RIMBP2: variants seen among roughly 807,000 people sequenced by gnomAD.
The protein encoded by RIMBP2 is RIMS binding protein 2, also known as RIMS-binding protein 2.
RIMBP2 carries 48 observed loss-of-function variants against 118.6 expected under a neutral mutation model. That is an observed-to-expected ratio of 0.40 (90% CI 0.32 to 0.51). The LOEUF is 0.51. Among genes scored for constraint, RIMBP2 ranks in the 20% least tolerant of loss-of-function variants. The pLI, the probability that RIMBP2 is intolerant of heterozygous loss-of-function variation, is 0.41. For synonymous variants in RIMBP2, 762 were observed against 742.9 expected (o/e 1.03, Z -0.42); for missense variants, 1,551 against 1,768.3 (o/e 0.88, Z 2.20).
chr12:130,406,549 A>G (rs936391603), intron 20 of RIMBP2, among the ~76,000 whole-genome samples: 4 of 152,232 alleles, frequency 2.6e-5, no homozygotes, highest in Admixed American at 6.5e-5. Flanking sequence ...GTTAATTGTA[A>G]AAACCTGGAA....
chr12:130,628,911 A>G (rs2061811866), intron 1 of RIMBP2, among the ~76,000 whole-genome samples: 2 of 152,216 alleles, frequency 1.3e-5, no homozygotes, highest in African/African-American at 4.8e-5. Context: ...GATGACAGAA[A>G]GAGTTATTAT....
intron 1 of RIMBP2, among the ~76,000 whole-genome samples, chr12:130,702,761 T>C (rs1231611284): frequency 1.3e-5 from 2 of 152,156 alleles, no homozygotes; most frequent in South Asian, 2.1e-4. Flanking sequence ...TGGAATCAGA[T>C]GATCCTGATC....
intron 6 of RIMBP2, among the ~76,000 whole-genome samples, chr12:130,466,840 C>T (rs2080524929): frequency 6.6e-6 from 1 of 152,222 alleles, no homozygotes; most frequent in Non-Finnish European, 1.5e-5. Context: ...CTGATTGTTT[C>T]TTCTGCCCTA....
At chr12:130,538,012 CCAAAAACTGA>C in intron 2 of RIMBP2, among the ~76,000 whole-genome samples, 1 of 152,168 alleles carries the variant, frequency 6.6e-6, no homozygotes, top group East Asian at 1.9e-4. Flanking sequence ...TCACTAGACT[CCAAAAACTGA>C]CAAAAGCAAA....
chr12:130,596,365 C>A (rs1187792832), intron 2 of RIMBP2, among the ~76,000 whole-genome samples: 2 of 152,098 alleles, frequency 1.3e-5, no homozygotes, highest in African/African-American at 4.8e-5. Flanking sequence ...CAGAAAGGGG[C>A]ACTATGACCC....
At chr12:130,436,470 C>G (rs1373822070) in intron 13 of RIMBP2, among the ~76,000 whole-genome samples, 1 of 152,130 alleles carries the variant, frequency 6.6e-6, no homozygotes, top group Admixed American at 6.5e-5. Flanking sequence ...ACCTAGGACT[C>G]TGCAGCCAGC....
chr12:130,690,208 G>T (rs192306680), intron 1 of RIMBP2, among the ~76,000 whole-genome samples: 228 of 152,320 alleles, frequency 1.5e-3, no homozygotes, highest in African/African-American at 5.2e-3. Flanking sequence ...ATTAGGCTGG[G>T]TTCTCCCAGG....
intron 6 of RIMBP2, among the ~76,000 whole-genome samples, chr12:130,461,983 C>G (rs1455384136): frequency 6.6e-6 from 1 of 152,172 alleles, no homozygotes; most frequent in South Asian, 2.1e-4. Flanking sequence ...CATTTTAAAC[C>G]CTGCTGAGTA....
rs2074080920 is a variant in RIMBP2, at chr12:130,396,421, A to ACAT, written c.*937_*939dup. The ACAT allele has an allele frequency of 6.6e-6, 1 of 152,668 alleles. No homozygotes were observed. 9.5% of individuals were successfully genotyped at this position (152,668 alleles called of 1,614,324 possible). A position where few individuals can be genotyped will look rare whatever the true frequency, so the allele number is the denominator to read the frequency against. ...AATTACAAAAGAGTAACCATCAAAT[A>ACAT]CATCTGCCAGCAACTTTGTAAGTAA... On this transcript the variant is annotated 3_prime_UTR_variant, in exon 23 of 23. Coordinates refer to ENST00000690449, the MANE Select transcript of RIMBP2 (RefSeq NM_001393629.1).
chr12:130,664,383 G>A (rs12832652), intron 1 of RIMBP2, among the ~76,000 whole-genome samples: 62,597 of 123,822 alleles, frequency 0.51, 18,428 homozygotes, highest in Non-Finnish European at 0.6. Flanking sequence ...ATGCACGCAC[G>A]CGCATGCACA....
In RIMBP2 at chr12:130,622,279, G is replaced by T. The variant is rs7954642; in HGVS notation, c.-217+6043C>A. Among the ~76,000 whole-genome samples, 20,355 of 152,066 alleles carry T rather than the reference G, an allele frequency of 0.13. 1,532 individuals carry two copies. Among genetic ancestry groups the T allele is most frequent in the Middle Eastern group, 0.24 (71 of 294 alleles). On this transcript the variant is annotated intron_variant, in intron 2 of 22. Transcript: ENST00000690449. This position sits in a 1 kb window ranked among gnomAD's most constrained non-coding sequence, Gnocchi z 8.5. ...TGCATAGGAGGTTCCGGGGAACAGA[G>T]TCCCCAAACATCACAAGTTTTGCCA...
chr12:130,551,159 A>G (rs1282487086), intron 2 of RIMBP2, among the ~76,000 whole-genome samples: 2 of 152,202 alleles, frequency 1.3e-5, no homozygotes, highest in African/African-American at 4.8e-5. Flanking sequence ...GTGAAGCAGG[A>G]ATTACAAAAA....
intron 17 of RIMBP2, among the ~76,000 whole-genome samples, chr12:130,421,691 A>ATGTGTGTATG (rs1555241925): frequency 3.9e-4 from 58 of 147,296 alleles, no homozygotes; most frequent in African/African-American, 1.4e-3. Context: ...CTGCATTTAT[A>ATGTGTGTATG]TGTGTGTGTG....
intron 1 of RIMBP2, among the ~76,000 whole-genome samples, chr12:130,684,137 C>A (rs2064938372): frequency 6.6e-6 from 1 of 152,176 alleles, no homozygotes; most frequent in Non-Finnish European, 1.5e-5. Context: ...TTATCTGAAC[C>A]CAGACACCCC....
rs1224088261 is a variant in RIMBP2 at position 130,623,035 on chromosome 12, C to G, written c.-217+5287G>C. On this transcript the variant is annotated intron_variant, in intron 2 of 22. Transcript: ENST00000690449. This position sits in a 1 kb window ranked among gnomAD's most constrained non-coding sequence, Gnocchi z 4.1. ...CCTTCTAGTATCAATGGTTTCTTAT[C>G]TCAACAAATATTTGCCAAGCATCTG... Among the ~76,000 whole-genome samples, 1 of 152,194 alleles carries G rather than the reference C, an allele frequency of 6.6e-6. No individual in the cohort carries two copies. The highest frequency in any genetic ancestry group is 1.5e-5 in the Non-Finnish European group (1 of 68,038).
intron 2 of RIMBP2, among the ~76,000 whole-genome samples, chr12:130,536,705 T>C (rs1593702876): frequency 1.3e-5 from 2 of 152,210 alleles, no homozygotes; most frequent in East Asian, 3.9e-4. Flanking sequence ...TTAAGTCAAA[T>C]AAAATCCCAG....
intron 6 of RIMBP2, among the ~76,000 whole-genome samples, chr12:130,467,944 T>G (rs1286272297): frequency 1.3e-5 from 2 of 152,222 alleles, no homozygotes; most frequent in African/African-American, 2.4e-5. Flanking sequence ...AGGCATTTTA[T>G]GTAACATGTG....
At chr12:130,483,309 G>T (rs556182273) in intron 4 of RIMBP2, among the ~76,000 whole-genome samples, 1 of 152,360 alleles carries the variant, frequency 6.6e-6, no homozygotes, top group Non-Finnish European at 1.5e-5. Flanking sequence ...GATTGTGTGT[G>T]TACACGGGTC....
At chr12:130,665,361 C>T (rs1461605572) in intron 1 of RIMBP2, among the ~76,000 whole-genome samples, 1 of 151,480 alleles carries the variant, frequency 6.6e-6, no homozygotes, top group East Asian at 1.9e-4. Flanking sequence ...CCCATCCCTA[C>T]TAAAAATACA....
Sources: allele counts gnomAD v4.1 joint callset (sites outside exome capture counted in the v4.1 genomes callset), GRCh38; gene constraint gnomAD v4.1.1; non-coding constraint Gnocchi (gnomAD v3.1); transcripts MANE v1.5; gene names NCBI Gene and HGNC (gene_info 2026-07-23, HGNC 2026-07-21).